The following ROBO1 variants were observed in gnomAD, a reference collection of about 807,000 sequenced individuals.
The protein encoded by ROBO1 is roundabout homolog 1.
In ROBO1, 149 loss-of-function variants were observed where a neutral mutation model predicts 195.9. The ratio of observed to expected loss-of-function variants is 0.76; its 90% CI spans 0.67 to 0.87. ROBO1 has a LOEUF of 0.87. ROBO1 is among the 40% of genes least tolerant of loss of function. ROBO1 has a pLI of 0.00. For synonymous variants in ROBO1, 816 were observed against 733.2 expected (o/e 1.11, Z -1.82); for missense variants, 1,933 against 2,068.3 (o/e 0.93, Z 1.27).
intron 2 of ROBO1, among the ~76,000 whole-genome samples, chr3:79,172,692 A>C (rs1448468697): frequency 1.3e-5 from 2 of 151,256 alleles, no homozygotes; most frequent in Non-Finnish European, 2.9e-5. Flanking sequence ...CTTTCCAACT[A>C]TTCCCTTCTA....
chr3:78,880,778 TCA>T (rs2036132050), intron 4 of ROBO1, among the ~76,000 whole-genome samples: 1 of 152,146 alleles, frequency 6.6e-6, no homozygotes, highest in Admixed American at 6.5e-5. Context: ...GCTATTTATG[TCA>T]CAGTTTCATA....
chr3:79,043,558 A>T lies in ROBO1; in HGVS notation c.172+81898T>A, dbSNP rs181813076. ...AATGACATCATATAGATTTTTTTTT[A>T]AAAAAACTCCTCTCAGATTCTGTAT... On this transcript the variant is annotated intron_variant, in intron 3 of 30. Coordinates refer to ENST00000464233, the MANE Select transcript of ROBO1 (RefSeq NM_002941.4). Among the ~76,000 whole-genome samples the T allele has an allele frequency of 3.7e-3, 561 of 151,934 alleles. 7 individuals are homozygous for T. Among genetic ancestry groups the T allele is most frequent in the African/African-American group, 0.012 (504 of 41,478 alleles).
intron 2 of ROBO1, among the ~76,000 whole-genome samples, chr3:79,550,195 G>GAAAGAAAGAAAGAAAGAAAGGAAAGAAAA: frequency 1.3e-4 from 13 of 100,836 alleles, no homozygotes; most frequent in African/African-American, 4.7e-4. Flanking sequence ...AAGAAAGAAA[G>GAAAGAAAGAAAGAAAGAAAGGAAAGAAAA]GAAAAGAAAA....
intron 3 of ROBO1, among the ~76,000 whole-genome samples, chr3:79,028,771 G>A (rs1297303409): frequency 6.6e-6 from 1 of 151,780 alleles, no homozygotes; most frequent in Non-Finnish European, 1.5e-5. Flanking sequence ...TTTCCCCTTT[G>A]TATTTAATTG....
intron 2 of ROBO1, among the ~76,000 whole-genome samples, chr3:79,438,573 T>C (rs1426999312): frequency 6.6e-6 from 1 of 151,994 alleles, no homozygotes. Flanking sequence ...ATAAGTAGCA[T>C]GTCAAATTAC....
At chr3:79,045,095 A>C (rs1016269932) in intron 3 of ROBO1, among the ~76,000 whole-genome samples, 1 of 152,074 alleles carries the variant, frequency 6.6e-6, no homozygotes, top group Admixed American at 6.6e-5. Context: ...GGAAGAAATG[A>C]TCTGATCCTT....
chr3:79,590,414 G>A (rs1209229474), intron 1 of ROBO1, among the ~76,000 whole-genome samples: 2 of 151,888 alleles, frequency 1.3e-5, no homozygotes, highest in Non-Finnish European at 2.9e-5. Context: ...CTTCACCCAG[G>A]TGCATAAACA....
chr3:79,090,128 C>T (rs1436684373), intron 3 of ROBO1, among the ~76,000 whole-genome samples: 2 of 151,672 alleles, frequency 1.3e-5, no homozygotes, highest in African/African-American at 2.4e-5. Flanking sequence ...TCAGTAGAGA[C>T]GGGGTTTCAG....
chr3:79,690,414 T>C (rs1055608964), intron 1 of ROBO1, among the ~76,000 whole-genome samples: 5 of 151,830 alleles, frequency 3.3e-5, no homozygotes, highest in African/African-American at 9.7e-5. Context: ...TCTTTGAACA[T>C]AGAGGAACAG....
intron 3 of ROBO1, among the ~76,000 whole-genome samples, chr3:79,006,910 G>A (rs1237012681): frequency 1.3e-5 from 2 of 152,084 alleles, no homozygotes; most frequent in Non-Finnish European, 2.9e-5. Context: ...AGAAAAGTAG[G>A]ACATCCCAGG....
intron 2 of ROBO1, among the ~76,000 whole-genome samples, chr3:79,388,871 G>T (rs1262140002): frequency 1.3e-5 from 2 of 151,998 alleles, no homozygotes; most frequent in Non-Finnish European, 2.9e-5. Context: ...TGTATGATGG[G>T]TATATATTTT....
chr3:79,015,388 C>A (rs957556290), intron 3 of ROBO1, among the ~76,000 whole-genome samples: 9 of 149,830 alleles, frequency 6.0e-5, no homozygotes, highest in Non-Finnish European at 1.2e-4. Context: ...ACGCCCCCCC[C>A]CAAAAAAACA....
At chr3:79,325,707 C>G (rs959489669) in intron 2 of ROBO1, among the ~76,000 whole-genome samples, 5 of 152,114 alleles carry the variant, frequency 3.3e-5, no homozygotes, top group Admixed American at 6.6e-5. Context: ...ATCACTTCCC[C>G]AAGTGATTTC....
chr3:78,837,538 A>AT (rs1381668783), intron 4 of ROBO1, among the ~76,000 whole-genome samples: 1 of 152,126 alleles, frequency 6.6e-6, no homozygotes, highest in Admixed American at 6.5e-5. Context: ...TGTCAAAATT[A>AT]TTTTTTGTTA....
At chr3:79,420,813 G>C (rs536716696) in intron 2 of ROBO1, among the ~76,000 whole-genome samples, 1 of 152,254 alleles carries the variant, frequency 6.6e-6, no homozygotes, top group Admixed American at 6.5e-5. Context: ...GTGGAAAGCA[G>C]TGGACAATTT....
At chr3:79,760,653 C>T (rs1704652266) in intron 1 of ROBO1, among the ~76,000 whole-genome samples, 1 of 149,650 alleles carries the variant, frequency 6.7e-6, no homozygotes, top group Non-Finnish European at 1.5e-5. Context: ...AACATGCTCA[C>T]CACACTAATA....
intron 2 of ROBO1, among the ~76,000 whole-genome samples, chr3:79,580,753 T>C (rs73849622): frequency 0.015 from 2,233 of 152,274 alleles, 44 homozygotes; most frequent in African/African-American, 0.05. Flanking sequence ...ACTATATACA[T>C]GTGGTCACAT....
At chr3:79,019,429 G>C (rs149699222) in intron 3 of ROBO1, 15,778 of 986,270 alleles carry the variant, frequency 0.016, 149 homozygotes, top group Middle Eastern at 0.024. Flanking sequence ...TGAAGTTTCT[G>C]CTCTCACGCT....
intron 2 of ROBO1, among the ~76,000 whole-genome samples, chr3:79,567,721 T>A (rs1055333509): frequency 6.6e-6 from 1 of 152,136 alleles, no homozygotes; most frequent in Non-Finnish European, 1.5e-5. Context: ...TTTTAACTGG[T>A]ATTGTTTCTA....
Sources: allele counts gnomAD v4.1 joint callset (sites outside exome capture counted in the v4.1 genomes callset), GRCh38; gene constraint gnomAD v4.1.1; transcripts MANE v1.5; gene names NCBI Gene and HGNC (gene_info 2026-07-23, HGNC 2026-07-21).